The following MYRIP variants were observed in gnomAD, a reference collection of about 807,000 sequenced individuals.
MYRIP encodes myosin VIIA and Rab interacting protein.
MYRIP carries 49 observed loss-of-function variants against 98.0 expected under a neutral mutation model. The observed-to-expected ratio is 0.50, with a 90% CI of 0.40 to 0.63. The LOEUF is 0.63. Ranked by LOEUF, MYRIP falls within the 30% of genes least tolerant of loss-of-function variation. The probability of loss-of-function intolerance (pLI) is 0.00; values close to 1 mark genes in which losing one functional copy is unlikely to be tolerated. For synonymous variants in MYRIP, 404 were observed against 409.5 expected (o/e 0.99, Z 0.16); for missense variants, 1,004 against 1,058.2 (o/e 0.95, Z 0.71).
At chr3:40,240,988 A>G (rs1485113431) in intron 12 of MYRIP, among the ~76,000 whole-genome samples, 1 of 152,198 alleles carries the variant, frequency 6.6e-6, no homozygotes, top group Non-Finnish European at 1.5e-5. Flanking sequence ...GACAGCCAGG[A>G]AGCCCTGGTG....
intron 2 of MYRIP, among the ~76,000 whole-genome samples, chr3:39,995,651 G>A (rs889561152): frequency 1.3e-5 from 2 of 152,276 alleles, no homozygotes; most frequent in Admixed American, 1.3e-4. Context: ...ATCTAGCAAG[G>A]CAGGCCAACA....
intron 11 of MYRIP, among the ~76,000 whole-genome samples, chr3:40,229,932 C>T (rs1952602255): frequency 6.6e-6 from 1 of 152,184 alleles, no homozygotes; most frequent in South Asian, 2.1e-4. Context: ...TATTGGCATA[C>T]ACTTGGCATT....
chr3:40,064,056 C>T (rs1277266579), intron 3 of MYRIP, among the ~76,000 whole-genome samples: 1 of 152,008 alleles, frequency 6.6e-6, no homozygotes, highest in East Asian at 1.9e-4. Flanking sequence ...AAAGCCTGGG[C>T]CAAGTTTAGG....
At chr3:40,102,358 T>A (rs1300244563) in intron 3 of MYRIP, among the ~76,000 whole-genome samples, 1 of 152,232 alleles carries the variant, frequency 6.6e-6, no homozygotes, top group African/African-American at 2.4e-5. Context: ...GATGGGGCTC[T>A]GATATATGAA....
Position 40,148,023 on chromosome 3 carries a change from A to G in MYRIP, c.333-3025A>G, listed in dbSNP as rs1360198095. Among the ~76,000 whole-genome samples the G allele has an allele frequency of 3.9e-5, 6 of 152,162 alleles. No homozygotes were observed. The East Asian group carries it at 7.7e-4, about 20-fold the overall frequency. ...ATCTTACATGTCTGAAAATGTCTTT[A>G]TTTTGCCCTCTTGTGATGATGGTTT... is the stretch of plus-strand genomic sequence containing the variant. On this transcript the variant is annotated intron_variant, in intron 3 of 16. Coordinates refer to ENST00000302541, the MANE Select transcript of MYRIP (RefSeq NM_015460.4).
In MYRIP at chr3:40,231,411, G is replaced by A. The variant is rs1301038643; in HGVS notation, c.1906-2448G>A. 2.6e-5 allele frequency among the ~76,000 whole-genome samples: 4 copies of A among 152,194 alleles called. No individual in the cohort carries two copies. The East Asian group carries it at 7.7e-4, about 29-fold the overall frequency. On this transcript the variant is annotated intron_variant, in intron 11 of 16. Transcript: ENST00000302541. Reference sequence around the variant, plus strand: ...CCTGGAACAGAGCTGGCACACCATAGGTTCCCAATAAAAATGTAGAATGAA... The same window carrying A: ...CCTGGAACAGAGCTGGCACACCATAAGTTCCCAATAAAAATGTAGAATGAA...
At chr3:40,052,724 T>G (rs746808277) in intron 3 of MYRIP, among the ~76,000 whole-genome samples, 11 of 152,190 alleles carry the variant, frequency 7.2e-5, no homozygotes, top group Non-Finnish European at 1.5e-4. Context: ...AAATGAGTTA[T>G]ACTGAATTAT....
intron 3 of MYRIP, among the ~76,000 whole-genome samples, chr3:40,080,454 T>A (rs1193048803): frequency 6.6e-6 from 1 of 152,088 alleles, no homozygotes; most frequent in African/African-American, 2.4e-5. Flanking sequence ...CGCTATGCCT[T>A]CTTTTCCTGT....
intron 2 of MYRIP, among the ~76,000 whole-genome samples, chr3:39,940,251 T>C (rs1438472924): frequency 6.6e-6 from 1 of 152,122 alleles, no homozygotes; most frequent in African/African-American, 2.4e-5. Flanking sequence ...ATTTGGAGAA[T>C]TTTTAATGAT....
rs539874809 is a variant in MYRIP at position 39,935,452 on chromosome 3, CGAG to C, written c.110+34530_110+34532del. On this transcript the variant is annotated intron_variant, in intron 2 of 16. Coordinates refer to ENST00000302541, the MANE Select transcript of MYRIP (RefSeq NM_015460.4). Reference sequence around the variant, plus strand: ...TACAAGGTCAGGAACCCTATAGCTTCGAGGAGAAGTGGATTAGGAAGTCAGGGC... The same window carrying C: ...TACAAGGTCAGGAACCCTATAGCTTCGAGAAGTGGATTAGGAAGTCAGGGC... Among the ~76,000 whole-genome samples the C allele has an allele frequency of 5.8e-4, 88 of 152,140 alleles. 3 individuals are homozygous for C. The South Asian group carries it at 0.017, about 30-fold the overall frequency.
intron 2 of MYRIP, among the ~76,000 whole-genome samples, chr3:39,985,284 AC>A (rs1201617466): frequency 1.4e-5 from 2 of 140,964 alleles, no homozygotes; most frequent in African/African-American, 5.4e-5. Flanking sequence ...AGAACTACAA[AC>A]CACTGCTCAA....
At chr3:40,188,452 C>T (rs1036021390) in intron 9 of MYRIP, among the ~76,000 whole-genome samples, 2 of 146,338 alleles carry the variant, frequency 1.4e-5, no homozygotes, top group South Asian at 4.4e-4. Flanking sequence ...TGCCCCCAGG[C>T]AACCCTGCAA....
chr3:39,896,121 G>A (rs1396618715), intron 1 of MYRIP, among the ~76,000 whole-genome samples: 2 of 152,104 alleles, frequency 1.3e-5, no homozygotes, highest in Admixed American at 6.6e-5. Context: ...AAAACAAAAT[G>A]GAAAATGTAT....
chr3:39,890,636 ATT>A (rs35017704), intron 1 of MYRIP, among the ~76,000 whole-genome samples: 43 of 138,490 alleles, frequency 3.1e-4, no homozygotes, highest in Admixed American at 3.7e-4. Context: ...AGGTTAGCTG[ATT>A]TTTTTTTTTT....
Position 39,828,398 on chromosome 3 carries a change from T to A in MYRIP, c.-31+18482T>A, listed in dbSNP as rs146640451. ...GTTGTTGAGGCTCCCTATTTATTAG[T>A]CTGTTGTATTGTCTTGTATATTACT... On this transcript the variant is annotated intron_variant, in intron 1 of 16. Coordinates refer to ENST00000302541, the MANE Select transcript of MYRIP (RefSeq NM_015460.4). Among the ~76,000 whole-genome samples the A allele has an allele frequency of 3.2e-3, 488 of 152,136 alleles. 4 individuals are homozygous for A. Among genetic ancestry groups the A allele is most frequent in the Non-Finnish European group, 5.3e-3 (358 of 68,002 alleles).
intron 2 of MYRIP, among the ~76,000 whole-genome samples, chr3:40,013,163 G>A (rs891542998): frequency 1.3e-5 from 2 of 152,150 alleles, no homozygotes; most frequent in African/African-American, 4.8e-5. Context: ...TCTCTATTGT[G>A]TCTTTAGTGA....
intron 2 of MYRIP, among the ~76,000 whole-genome samples, chr3:39,921,918 C>G (rs1171811430): frequency 6.8e-6 from 1 of 147,550 alleles, no homozygotes; most frequent in African/African-American, 2.5e-5. Context: ...TGACGGCTGT[C>G]TGACTTCCCC....
chr3:39,885,150 A>C (rs527511682), intron 1 of MYRIP, among the ~76,000 whole-genome samples: 19 of 152,098 alleles, frequency 1.2e-4, no homozygotes, highest in African/African-American at 4.3e-4. Flanking sequence ...TGATAGATTT[A>C]TGAGCCATTT....
At chr3:40,152,561 A>G (rs1321566738) in intron 4 of MYRIP, among the ~76,000 whole-genome samples, 1 of 152,226 alleles carries the variant, frequency 6.6e-6, no homozygotes, top group East Asian at 1.9e-4. Flanking sequence ...GATCACTTTC[A>G]AAGGAGAATT....
Sources: allele counts gnomAD v4.1 joint callset (sites outside exome capture counted in the v4.1 genomes callset), GRCh38; gene constraint gnomAD v4.1.1; transcripts MANE v1.5; gene names NCBI Gene and HGNC (gene_info 2026-07-23, HGNC 2026-07-21).